The following ABCA13 variants were observed in gnomAD, a reference collection of about 807,000 sequenced individuals.
ABCA13 encodes the protein ATP binding cassette subfamily A member 13, also known as ATP-binding cassette sub-family A member 13.
ABCA13 carries 476 observed loss-of-function variants against 478.7 expected under a neutral mutation model. The observed-to-expected ratio is 0.99, with a 90% confidence interval of 0.92 to 1.07. The LOEUF (loss-of-function observed/expected upper bound fraction) is 1.07. Ranked by LOEUF, ABCA13 falls within the 50% of genes least tolerant of loss-of-function variation. The pLI is 0.00. For synonymous variants in ABCA13, 2,252 were observed against 2,158.9 expected (o/e 1.04, Z -1.20); for missense variants, 6,060 against 5,910.6 (o/e 1.03, Z -0.83).
intron 42 of ABCA13, among the ~76,000 whole-genome samples, chr7:48,441,206 G>A (rs755928728): frequency 3.3e-5 from 5 of 152,004 alleles, no homozygotes; most frequent in Admixed American, 6.6e-5. Flanking sequence ...CATTAGCTCA[G>A]GATATTGGAC....
intron 47 of ABCA13, among the ~76,000 whole-genome samples, chr7:48,484,044 G>A (rs893469106): frequency 1.3e-5 from 2 of 152,186 alleles, no homozygotes; most frequent in Non-Finnish European, 2.9e-5. Context: ...CATGAGCCCA[G>A]GAAGGCACTC....
intron 1 of ABCA13, among the ~76,000 whole-genome samples, chr7:48,187,443 A>G (rs1452148359): frequency 6.6e-6 from 1 of 151,788 alleles, no homozygotes; most frequent in African/African-American, 2.4e-5. Flanking sequence ...AAATTCTCCT[A>G]TCTTATATCT....
Position 48,272,193 on chromosome 7 carries a change from T to C in ABCA13, c.2527T>C (p.Ser843Pro). The part of the protein sequence containing the change: ...KLLELWAYGI[S>P]KGKRAKLENF... ...ACTAGAATTATGGGCCTATGGCATTTCAAAAGGAAAAAGAGCTAAATTGGA... is the reference window on the plus strand; with the variant it reads ...ACTAGAATTATGGGCCTATGGCATTCCAAAAGGAAAAAGAGCTAAATTGGA... Residue 843 changes from serine (S) to proline (P), a missense_variant, in exon 17 of 62, where the codon TCA becomes CCA. Around this residue, in one of 3 missense-constraint regions of ABCA13, gnomAD observed 4,423 missense variants for 4,309.1 expected, o/e 1.03. Transcript: ENST00000435803. The C allele has an allele frequency of 6.2e-7, 1 of 1,611,668 alleles. No individual in the cohort carries two copies.
chr7:48,278,512 G>T lies in ABCA13; in HGVS notation c.7318G>T (p.Ala2440Ser). Residue 2440 changes from alanine (A) to serine (S), a missense_variant, in exon 18 of 62, where the codon GCT becomes TCT. Ala to Ser is a moderately conservative substitution (Grantham distance 99, BLOSUM62 1). This residue lies in a region of ABCA13 where 4,423 missense variants were observed against 4,309.1 expected (regional missense o/e 1.03). Transcript: ENST00000435803. ...ILHSPNKDFY[A>S]LYPTLQEVIL... ...ACACTCTCCTAATAAGGACTTCTAT[G>T]CTTTGTATCCTACCCTCCAAGAAGT... 1 of 1,613,916 alleles carries T rather than the reference G, an allele frequency of 6.2e-7. No individual in the cohort carries two copies. Among genetic ancestry groups the T allele is most frequent in the Non-Finnish European group, 8.5e-7 (1 of 1,179,868 alleles).
chr7:48,537,850 A>G (rs1833687176), intron 55 of ABCA13, among the ~76,000 whole-genome samples: 1 of 152,046 alleles, frequency 6.6e-6, no homozygotes, highest in Non-Finnish European at 1.5e-5. Flanking sequence ...AACAGTTGTG[A>G]ACTACTGATT....
chr7:48,493,806 T>G (rs1375108965), intron 48 of ABCA13, among the ~76,000 whole-genome samples: 2 of 152,202 alleles, frequency 1.3e-5, no homozygotes, highest in Non-Finnish European at 2.9e-5. Flanking sequence ...TGATTTGGAG[T>G]AAGTCTTTAA....
intron 42 of ABCA13, among the ~76,000 whole-genome samples, chr7:48,428,208 T>C (rs767197288): frequency 6.6e-6 from 1 of 152,234 alleles, no homozygotes; most frequent in Non-Finnish European, 1.5e-5. Context: ...CTGGCCTACC[T>C]GCGTGGTGTG....
intron 58 of ABCA13, among the ~76,000 whole-genome samples, chr7:48,606,173 G>A (rs933062302): frequency 6.6e-6 from 1 of 152,134 alleles, no homozygotes; most frequent in Non-Finnish European, 1.5e-5. Context: ...CCTTTAGCTC[G>A]GAGGAGTTTG....
chr7:48,461,760 A>G (rs1826268372), intron 43 of ABCA13, among the ~76,000 whole-genome samples: 1 of 152,136 alleles, frequency 6.6e-6, no homozygotes, highest in Admixed American at 6.5e-5. Flanking sequence ...ATCCCTGATG[A>G]CGACATTCTC....
rs758151106 is a variant in ABCA13 at position 48,240,997 on chromosome 7, C to G, written c.1193C>G (p.Thr398Ser). The change falls in exon 10 of 62, where the codon ACT (threonine) becomes AGT (serine). Residue 398 changes from threonine (T) to serine (S), a missense_variant. This residue lies in a region of ABCA13 where 4,423 missense variants were observed against 4,309.1 expected (regional missense o/e 1.03). Coordinates refer to ENST00000435803, the MANE Select transcript of ABCA13 (RefSeq NM_152701.5). The stretch of plus-strand genomic sequence containing the variant: ...TGGAAGGTGGTGGAAGCTCTGCACA[C>G]TGCACTGCTCCTGCTGAATGACAGC... Reference protein sequence around the residue: ...KPWKVVEALHTALLLLNDSLS... With the variant: ...KPWKVVEALHSALLLLNDSLS... The G allele has an allele frequency of 2.5e-6, 4 of 1,614,046 alleles. No homozygotes were observed. Among genetic ancestry groups the G allele is most frequent in the Middle Eastern group, 1.6e-4 (1 of 6,062 alleles).
chr7:48,567,210 C>G (rs1563447318), intron 55 of ABCA13, among the ~76,000 whole-genome samples: 1 of 152,070 alleles, frequency 6.6e-6, no homozygotes, highest in Non-Finnish European at 1.5e-5. Flanking sequence ...TGACGGGTTG[C>G]TTTGAAGGCA....
chr7:48,566,361 C>T (rs887362467), intron 55 of ABCA13, among the ~76,000 whole-genome samples: 6 of 152,054 alleles, frequency 3.9e-5, no homozygotes, highest in Admixed American at 6.6e-5. Context: ...GGTGCTGAAG[C>T]GTAAAGCATA....
In ABCA13 at chr7:48,587,182, A is replaced by G; in HGVS notation, c.14534A>G (p.His4845Arg). The change falls in exon 57 of 62, where the codon CAC (histidine) becomes CGC (arginine). Residue 4845 changes from histidine to arginine, a missense_variant. Physicochemically the swap from His to Arg is conservative, Grantham distance 29. This residue lies in a region of ABCA13 where 1,627 missense variants were observed against 1,571.0 expected (regional missense o/e 1.04). Transcript: ENST00000435803. The part of the protein sequence containing the change: ...EVAGDLIRRL[H>R]LEAHADKPVA... ...GCTGGAGACCTCATCAGGCGCTTAC[A>G]CCTCGAAGCCCACGCGGACAAACCT... The G allele has an allele frequency of 1.9e-6, 3 of 1,613,126 alleles. No individual in the cohort carries two copies. The highest frequency in any genetic ancestry group is 2.5e-6 in the Non-Finnish European group (3 of 1,179,594).
chr7:48,209,012 G>A (rs914360660), intron 3 of ABCA13, among the ~76,000 whole-genome samples: 5 of 151,998 alleles, frequency 3.3e-5, no homozygotes, highest in Non-Finnish European at 5.9e-5. Flanking sequence ...GTATCATAAA[G>A]GAATGTTGAA....
At chr7:48,645,308 GT>G (rs1309874545) in intron 61 of ABCA13, 108 bp from the exon 62 acceptor site, 8 of 763,754 alleles carry the variant, frequency 1.0e-5, no homozygotes, top group Non-Finnish European at 1.5e-5. Context: ...ATGATCTGTG[GT>G]TTTTAGGGCA....
rs1791601653 is a variant in ABCA13 at position 48,245,948 on chromosome 7, G to T, written c.1577G>T (p.Gly526Val). The change falls in exon 13 of 62, where the codon GGT (glycine) becomes GTT (valine). Residue 526 changes from glycine to valine, a missense_variant. Transcript: ENST00000435803. The part of the protein sequence containing the change: ...FLPPGNSSIW[G>V]GLQGLLCYCN... ...CCGCCTGGAAACTCCAGCATATGGG[G>T]TGGTCTCCAGGGACTGTTGTGCTAT... is the stretch of plus-strand genomic sequence containing the variant. The T allele has an allele frequency of 6.2e-7, 1 of 1,613,732 alleles. No homozygotes were observed. The highest frequency in any genetic ancestry group is 8.5e-7 in the Non-Finnish European group (1 of 1,179,822).
intron 27 of ABCA13, among the ~76,000 whole-genome samples, chr7:48,327,238 T>G (rs942889661): frequency 1.3e-5 from 2 of 152,140 alleles, no homozygotes; most frequent in Non-Finnish European, 2.9e-5. Flanking sequence ...GAAGGTACCT[T>G]TTCACAGGGC....
intron 35 of ABCA13, among the ~76,000 whole-genome samples, chr7:48,385,212 G>T (rs1164221401): frequency 6.6e-6 from 1 of 152,148 alleles, no homozygotes; most frequent in Non-Finnish European, 1.5e-5. Flanking sequence ...TGTCATGGAG[G>T]TTTATTGTAC....
At chr7:48,462,073 T>G (rs1319305486) in intron 43 of ABCA13, among the ~76,000 whole-genome samples, 4 of 145,914 alleles carry the variant, frequency 2.7e-5, no homozygotes, top group African/African-American at 1.1e-4. Context: ...CTAAATTGCT[T>G]CTTCTGAGAT....
Sources: allele counts gnomAD v4.1 joint callset (sites outside exome capture counted in the v4.1 genomes callset), GRCh38; gene constraint gnomAD v4.1.1; regional missense constraint gnomAD v4.1.1; transcripts MANE v1.5; gene names NCBI Gene and HGNC (gene_info 2026-07-23, HGNC 2026-07-21).